The following ALOX5 variants were observed in gnomAD, a reference collection of about 807,000 sequenced individuals.
ALOX5 encodes the protein polyunsaturated fatty acid 5-lipoxygenase.
Under a neutral mutation model 87.9 loss-of-function variants are expected in ALOX5, and 64 were observed. That is an observed-to-expected ratio of 0.73 (90% CI 0.60 to 0.90). The LOEUF (loss-of-function observed/expected upper bound fraction) is 0.90. Among genes scored for constraint, ALOX5 ranks in the 40% least tolerant of loss-of-function variants. The probability of loss-of-function intolerance (pLI) is 0.00; values close to 1 mark genes in which losing one functional copy is unlikely to be tolerated. For missense variants in ALOX5, 822 were observed against 907.5 expected, an observed-to-expected ratio of 0.91 and a Z score of 1.21; for synonymous variants, 388 against 355.1, an observed-to-expected ratio of 1.09 and a Z score of -1.04.
chr10:45,407,263 C>T (rs529897422), intron 3 of ALOX5, among the ~76,000 whole-genome samples: 11 of 152,162 alleles, frequency 7.2e-5, no homozygotes, highest in Non-Finnish European at 1.6e-4. Context: ...GTTTCTATCT[C>T]CCTCCCTCCC....
At chr10:45,409,323 A>ACT (rs35793906) in intron 3 of ALOX5, among the ~76,000 whole-genome samples, 102,788 of 152,056 alleles carry the variant, frequency 0.68, 35,524 homozygotes, top group East Asian at 0.85. Context: ...GCTCAATTAA[A>ACT]CTGCTAAATT....
intron 4 of ALOX5, among the ~76,000 whole-genome samples, chr10:45,420,115 T>C (rs1841450631): frequency 1.3e-5 from 2 of 152,250 alleles, no homozygotes; most frequent in Non-Finnish European, 2.9e-5. Flanking sequence ...CTCCCACTTT[T>C]AACTTCCCAA....
chr10:45,443,243 G>T lies in ALOX5; in HGVS notation c.1451+27G>T, dbSNP rs377111225. Reference sequence around the variant, plus strand: ...TGAGCGCCCGCGGGGCGGTGGTCCTGGGGGAGGAGCCGGGACCCCTGCCTG... The same window carrying T: ...TGAGCGCCCGCGGGGCGGTGGTCCTTGGGGAGGAGCCGGGACCCCTGCCTG... On this transcript the variant is annotated intron_variant, in intron 10 of 13. Transcript: ENST00000374391. 10 of 1,605,582 alleles carry T rather than the reference G, an allele frequency of 6.2e-6. No individual in the cohort carries two copies. The African/African-American group carries it at 9.4e-5, about 15-fold the overall frequency.
chr10:45,436,691 C>T (rs990264324), intron 7 of ALOX5, among the ~76,000 whole-genome samples: 1 of 152,058 alleles, frequency 6.6e-6, no homozygotes, highest in African/African-American at 2.4e-5. Context: ...TAATGTGATG[C>T]CTCCAGCTTT....
At chr10:45,374,656 C>T (rs1839523605) in intron 1 of ALOX5, among the ~76,000 whole-genome samples, 1 of 151,746 alleles carries the variant, frequency 6.6e-6, no homozygotes, top group African/African-American at 2.4e-5. Flanking sequence ...CCCCTCGCGG[C>T]GGCCGCGACC....
At position 45,424,870 on chromosome 10, in the gene ALOX5, G is replaced by T. The variant is rs1841640422; in HGVS notation, c.662-90G>T. On this transcript the variant is annotated intron_variant, in intron 5 of 13. Coordinates refer to ENST00000374391, the MANE Select transcript of ALOX5 (RefSeq NM_000698.5). ...GCACTCGGGAGAGGAGACCAAGCAG[G>T]GACTCTGCTCTTAGGTGAGGTCAGG... The T allele has an allele frequency of 1.6e-5, 24 of 1,494,522 alleles. 1 individual carries two copies. The South Asian group carries it at 2.7e-4, about 17-fold the overall frequency. 92.6% of individuals were successfully genotyped at this position (1,494,522 alleles called of 1,614,324 possible).
intron 7 of ALOX5, 113 bp from the exon 8 acceptor site, chr10:45,440,317 T>G (rs534625984): frequency 8.6e-7 from 1 of 1,166,820 alleles, no homozygotes; most frequent in South Asian, 1.5e-5. Flanking sequence ...GATTCCAAAG[T>G]CACTGTTAAA....
Position 45,425,244 on chromosome 10 carries a change from G to A in ALOX5, c.834+112G>A. The A allele has an allele frequency of 7.5e-7, 1 of 1,330,356 alleles. No homozygotes were observed. The allele number at this position is 1,330,356 out of a possible 1,614,324, so 82.4% of individuals were successfully genotyped here. A position where few individuals can be genotyped will look rare whatever the true frequency, so the allele number is the denominator to read the frequency against. On this transcript the variant is annotated intron_variant, in intron 6 of 13. Transcript: ENST00000374391. This position sits in a 1 kb window ranked among gnomAD's most constrained non-coding sequence, Gnocchi z 4.4. ...CAAGACGCTAACTGCAGGCCCATCTGGCCTACAGCAGCCGCTTCCTTTTCC... is the reference window on the plus strand; with the variant it reads ...CAAGACGCTAACTGCAGGCCCATCTAGCCTACAGCAGCCGCTTCCTTTTCC...
Position 45,397,945 on chromosome 10 carries a change from T to A in ALOX5, c.431+2009T>A, listed in dbSNP as rs1340562211. On this transcript the variant is annotated intron_variant, in intron 3 of 13. Transcript: ENST00000374391. ...TTAATGTACACGTTCAACACAACCCTTATCAAAATTCTAGCTGATTTCTTT... is the reference window on the plus strand; with the variant it reads ...TTAATGTACACGTTCAACACAACCCATATCAAAATTCTAGCTGATTTCTTT... Among the ~76,000 whole-genome samples, 3 of 152,332 alleles carry A rather than the reference T, an allele frequency of 2.0e-5. No individual in the cohort carries two copies. In the East Asian group the frequency reaches 5.8e-4, roughly 29 times the overall value.
intron 1 of ALOX5, among the ~76,000 whole-genome samples, chr10:45,378,195 C>T (rs1366959060): frequency 1.3e-5 from 2 of 152,170 alleles, no homozygotes; most frequent in Non-Finnish European, 2.9e-5. Context: ...TGAAGCTTTT[C>T]CCTGTCCTTC....
At chr10:45,418,578 G>A (rs1473537680) in intron 4 of ALOX5, among the ~76,000 whole-genome samples, 1 of 152,212 alleles carries the variant, frequency 6.6e-6, no homozygotes, top group African/African-American at 2.4e-5. Flanking sequence ...CTTCACCTGG[G>A]CGTCCTCTCT....
At chr10:45,418,566 C>A (rs1589025531) in intron 4 of ALOX5, among the ~76,000 whole-genome samples, 1 of 152,172 alleles carries the variant, frequency 6.6e-6, no homozygotes, top group East Asian at 1.9e-4. Context: ...AGGGGACCCT[C>A]GCTTCACCTG....
chr10:45,395,847 CT>C lies in ALOX5; in HGVS notation c.350-5del. 1 of 1,614,050 alleles carries C rather than the reference CT, an allele frequency of 6.2e-7. No homozygotes were observed. The highest frequency in any genetic ancestry group is 8.5e-7 in the Non-Finnish European group (1 of 1,179,884). On this transcript the variant is annotated splice_region_variant and splice_polypyrimidine_tract_variant and intron_variant, in intron 2 of 13. Coordinates refer to ENST00000374391, the MANE Select transcript of ALOX5 (RefSeq NM_000698.5). ...TCAGGCTCCTCTCATGTTGTTCTTT[CT>C]TTACAGCAAAGTTGGCCCGAGATGA...
At chr10:45,414,057 T>C (rs1462359527) in intron 4 of ALOX5, among the ~76,000 whole-genome samples, 6 of 152,202 alleles carry the variant, frequency 3.9e-5, no homozygotes, top group Non-Finnish European at 8.8e-5. Flanking sequence ...AAACTACCAA[T>C]GACTTTCTGC....
At chr10:45,392,063 C>T (rs549804561) in intron 2 of ALOX5, among the ~76,000 whole-genome samples, 18 of 151,456 alleles carry the variant, frequency 1.2e-4, no homozygotes, top group Admixed American at 7.9e-4. Flanking sequence ...CCCGGCCAGC[C>T]GCCCCGTCCG....
intron 1 of ALOX5, among the ~76,000 whole-genome samples, chr10:45,374,715 C>T (rs1169489331): frequency 6.6e-6 from 1 of 152,204 alleles, no homozygotes; most frequent in Non-Finnish European, 1.5e-5. Flanking sequence ...GGCGTCTTCC[C>T]TGGGAGGAGA....
At chr10:45,429,542 TA>T (rs1038033182) in intron 7 of ALOX5, among the ~76,000 whole-genome samples, 1 of 152,240 alleles carries the variant, frequency 6.6e-6, no homozygotes, top group East Asian at 1.9e-4. Context: ...ATTCTAAATC[TA>T]AAAAATCTGA....
intron 6 of ALOX5, among the ~76,000 whole-genome samples, chr10:45,427,765 G>A (rs1365860772): frequency 1.3e-5 from 2 of 152,120 alleles, no homozygotes; most frequent in Non-Finnish European, 2.9e-5. Context: ...GGCGTTCCTA[G>A]GGGCCCCTCT....
chr10:45,435,187 AG>A (rs1179491028), intron 7 of ALOX5, among the ~76,000 whole-genome samples: 1 of 151,914 alleles, frequency 6.6e-6, no homozygotes, highest in African/African-American at 2.4e-5. Flanking sequence ...GAGAAGCAGA[AG>A]GGAGAGTGAT....
Sources: allele counts gnomAD v4.1 joint callset (sites outside exome capture counted in the v4.1 genomes callset), GRCh38; gene constraint gnomAD v4.1.1; non-coding constraint Gnocchi (gnomAD v3.1); transcripts MANE v1.5; gene names NCBI Gene and HGNC (gene_info 2026-07-23, HGNC 2026-07-21).